The following XRCC4 variants were observed in gnomAD, a reference collection of about 807,000 sequenced individuals.
XRCC4 encodes the protein DNA repair protein XRCC4.
A neutral mutation model predicts 39.1 loss-of-function variants in XRCC4; 28 were observed. That is an observed-to-expected ratio of 0.72 (90% CI 0.53 to 0.98). The LOEUF (loss-of-function observed/expected upper bound fraction) is 0.98. Among genes scored for constraint, XRCC4 ranks in the 50% least tolerant of loss-of-function variants. The probability of loss-of-function intolerance (pLI) is 0.00; values close to 1 mark genes in which losing one functional copy is unlikely to be tolerated. For synonymous variants in XRCC4, 123 were observed against 126.4 expected, an observed-to-expected ratio of 0.97 and a Z score of 0.18; for missense variants, 350 against 376.4, an observed-to-expected ratio of 0.93 and a Z score of 0.58.
At chr5:83,255,488 T>C (rs566195137) in intron 6 of XRCC4, among the ~76,000 whole-genome samples, 14 of 152,286 alleles carry the variant, frequency 9.2e-5, no homozygotes, top group African/African-American at 3.4e-4. Context: ...CATAATGTGG[T>C]GAACTGGCCA....
intron 6 of XRCC4, among the ~76,000 whole-genome samples, chr5:83,253,410 A>G (rs570949540): frequency 6.6e-6 from 1 of 152,074 alleles, no homozygotes; most frequent in East Asian, 1.9e-4. Context: ...CATGGTCAAG[A>G]CACCTGAAGA....
At chr5:83,238,356 A>G (rs1005006255) in intron 6 of XRCC4, among the ~76,000 whole-genome samples, 6 of 152,130 alleles carry the variant, frequency 3.9e-5, no homozygotes, top group Admixed American at 3.3e-4. Flanking sequence ...AATGCTTTTG[A>G]TTTTGGGAAA....
At chr5:83,172,655 G>A (rs1749781862) in intron 3 of XRCC4, among the ~76,000 whole-genome samples, 1 of 152,060 alleles carries the variant, frequency 6.6e-6, no homozygotes, top group Non-Finnish European at 1.5e-5. Context: ...TATTCAATAT[G>A]TCACAAAAGT....
At chr5:83,104,842 C>A in intron 1 of XRCC4, 68 bp from the exon 2 acceptor site, 1 of 1,433,142 alleles carries the variant, frequency 7.0e-7, no homozygotes, top group Non-Finnish European at 9.7e-7. Flanking sequence ...AGCTGAGAGG[C>A]CAGTACAGAA....
chr5:83,344,130 T>TCACACACACA (rs61032306), intron 7 of XRCC4, among the ~76,000 whole-genome samples: 7 of 148,088 alleles, frequency 4.7e-5, no homozygotes, highest in African/African-American at 1.7e-4. Flanking sequence ...GACACAGATC[T>TCACACACACA]CACACACACA....
chr5:83,281,191 T>C (rs1009154733), intron 7 of XRCC4, among the ~76,000 whole-genome samples: 5 of 152,230 alleles, frequency 3.3e-5, no homozygotes, highest in African/African-American at 1.2e-4. Flanking sequence ...TTAACCTCTT[T>C]CAAATCTGTC....
rs3777029 is a variant in XRCC4, at chr5:83,293,147, G to C, written c.893+34470G>C. ...TTTATTCCCAGGCCACCACACCAGA[G>C]ACTGTGTCTCTAGCTGTGAACCCTG... On this transcript the variant is annotated intron_variant, in intron 7 of 7. Coordinates refer to ENST00000396027, the MANE Select transcript of XRCC4 (RefSeq NM_003401.5). Among the ~76,000 whole-genome samples, 437 of 152,012 alleles carry C rather than the reference G, an allele frequency of 2.9e-3. 10 individuals are homozygous for C. The East Asian group carries it at 0.072, about 25-fold the overall frequency.
chr5:83,086,911 A>G (rs1282389031), intron 1 of XRCC4, among the ~76,000 whole-genome samples: 2 of 152,164 alleles, frequency 1.3e-5, no homozygotes, highest in Non-Finnish European at 2.9e-5. Flanking sequence ...CTAAATGCCT[A>G]ACCATGATCT....
intron 4 of XRCC4, among the ~76,000 whole-genome samples, chr5:83,200,229 A>C (rs1345026132): frequency 1.3e-5 from 2 of 152,202 alleles, no homozygotes. Context: ...GAGTCTTGAA[A>C]AATTAAAAGT....
At chr5:83,267,467 C>T (rs1048313299) in intron 7 of XRCC4, among the ~76,000 whole-genome samples, 16 of 152,114 alleles carry the variant, frequency 1.1e-4, no homozygotes, top group Non-Finnish European at 7.4e-5. Flanking sequence ...GTGACAAAGC[C>T]ATTGCTAATG....
At chr5:83,155,376 A>T (rs1176158537) in intron 3 of XRCC4, among the ~76,000 whole-genome samples, 2 of 152,164 alleles carry the variant, frequency 1.3e-5, no homozygotes, top group Non-Finnish European at 2.9e-5. Context: ...CATATACAAA[A>T]CTACTAATTG....
At chr5:83,309,296 A>AAAAAAAAAAAT (rs1561467702) in intron 7 of XRCC4, among the ~76,000 whole-genome samples, 1 of 72,216 alleles carries the variant, frequency 1.4e-5, no homozygotes, top group African/African-American at 8.5e-5. Context: ...AAAAAAAAAA[A>AAAAAAAAAAAT]ATATATATAT....
intron 6 of XRCC4, among the ~76,000 whole-genome samples, chr5:83,230,444 A>C (rs1157030883): frequency 1.3e-5 from 2 of 152,020 alleles, no homozygotes; most frequent in African/African-American, 2.4e-5. Flanking sequence ...TCTTTATGGC[A>C]TGATATGTGT....
chr5:83,336,665 A>T (rs1368690481), intron 7 of XRCC4, among the ~76,000 whole-genome samples: 1 of 152,196 alleles, frequency 6.6e-6, no homozygotes, highest in Admixed American at 6.6e-5. Flanking sequence ...TAATTTAATG[A>T]AGCGTAGGTT....
intron 6 of XRCC4, among the ~76,000 whole-genome samples, chr5:83,257,912 A>G (rs563125623): frequency 6.6e-6 from 1 of 152,270 alleles, no homozygotes; most frequent in South Asian, 2.1e-4. Flanking sequence ...GCTGAAAACC[A>G]TCATTCTCAG....
At chr5:83,118,044 CCACA>C (rs34524513) in intron 3 of XRCC4, among the ~76,000 whole-genome samples, 2,331 of 118,268 alleles carry the variant, frequency 0.02, 24 homozygotes, top group African/African-American at 0.042. Flanking sequence ...ATATACATCT[CCACA>C]CACACACACA....
chr5:83,119,142 T>C (rs952618656), intron 3 of XRCC4, among the ~76,000 whole-genome samples: 3 of 152,176 alleles, frequency 2.0e-5, no homozygotes, highest in Admixed American at 6.5e-5. Context: ...CAAAATCCTA[T>C]ATTATTGCCA....
intron 6 of XRCC4, among the ~76,000 whole-genome samples, chr5:83,219,989 A>T (rs1752018692): frequency 6.6e-6 from 1 of 152,016 alleles, no homozygotes; most frequent in South Asian, 2.1e-4. Flanking sequence ...TATTACTTTG[A>T]AGAGGAAATC....
chr5:83,306,498 G>T (rs1755492142), intron 7 of XRCC4, among the ~76,000 whole-genome samples: 1 of 22,520 alleles, frequency 4.4e-5, no homozygotes. Flanking sequence ...TCTCAGAATT[G>T]TATACTTTTC....
Sources: allele counts gnomAD v4.1 joint callset (sites outside exome capture counted in the v4.1 genomes callset), GRCh38; gene constraint gnomAD v4.1.1; transcripts MANE v1.5; gene names NCBI Gene and HGNC (gene_info 2026-07-23, HGNC 2026-07-21).